Variants in COL4A4 observed in about 807,000 individuals in gnomAD.
COL4A4 encodes the protein collagen alpha-4(IV) chain.
A neutral mutation model predicts 192.9 loss-of-function variants in COL4A4; 105 were observed. The observed-to-expected ratio is 0.54, with a 90% CI of 0.46 to 0.64. The LOEUF (loss-of-function observed/expected upper bound fraction) is 0.64. Ranked by LOEUF, COL4A4 falls within the 30% of genes least tolerant of loss-of-function variation. The probability of loss-of-function intolerance (pLI) is 0.00; values close to 1 mark genes in which losing one functional copy is unlikely to be tolerated. For missense variants in COL4A4, 1,967 were observed against 2,169.3 expected (o/e 0.91, Z 1.85); for synonymous variants, 762 against 769.9 (o/e 0.99, Z 0.17).
At chr2:227,066,222 G>A (rs1402351647) in intron 25 of COL4A4, among the ~76,000 whole-genome samples, 4 of 152,196 alleles carry the variant, frequency 2.6e-5, no homozygotes, top group Non-Finnish European at 5.9e-5. Context: ...TATGTGAAAA[G>A]ACCAAATCTA....
At chr2:226,970,935 A>G in the COL4A4 span, among the ~76,000 whole-genome samples, 3 of 152,206 alleles carry the variant, frequency 2.0e-5, no homozygotes, top group Non-Finnish European at 4.4e-5. Flanking sequence ...TTTCAAGTGT[A>G]TTAAAACATA....
At chr2:227,156,116 C>T (rs368540205) in intron 1 of COL4A4, among the ~76,000 whole-genome samples, 1 of 151,896 alleles carries the variant, frequency 6.6e-6, no homozygotes, top group Non-Finnish European at 1.5e-5. Flanking sequence ...CATAAAAACC[C>T]GGCCGGGTGT....
At chr2:227,060,101 G>GAAAAA (rs71422223) in intron 27 of COL4A4, 35 bp downstream of exon 27, 47,475 of 487,716 alleles carry the variant, frequency 0.097, 5,132 homozygotes, top group Admixed American at 0.13. Context: ...TCCCAAAGCA[G>GAAAAA]AAAAAAAAAA....
intron 1 of COL4A4, among the ~76,000 whole-genome samples, chr2:227,150,187 A>T (rs2063832849): frequency 6.6e-6 from 1 of 152,188 alleles, no homozygotes; most frequent in South Asian, 2.1e-4. Flanking sequence ...ACTAACTTTG[A>T]CTATAAGTGA....
chr2:226,989,459 A>G, the COL4A4 span, among the ~76,000 whole-genome samples: 1 of 152,222 alleles, frequency 6.6e-6, no homozygotes, highest in Non-Finnish European at 1.5e-5. Flanking sequence ...AAATATCCTC[A>G]TATCTTGATC....
intron 3 of COL4A4, among the ~76,000 whole-genome samples, chr2:227,141,842 G>A (rs72971832): frequency 0.049 from 7,401 of 151,942 alleles, 251 homozygotes; most frequent in Middle Eastern, 0.082. Flanking sequence ...GGCCCAGGTC[G>A]GGACAGCATG....
At chr2:227,067,770 G>T (rs2058440038) in intron 25 of COL4A4, among the ~76,000 whole-genome samples, 1 of 151,980 alleles carries the variant, frequency 6.6e-6, no homozygotes, top group African/African-American at 2.4e-5. Flanking sequence ...AAGCAGGAAA[G>T]ATCTAAAATT....
chr2:226,974,173 G>C, the COL4A4 span, among the ~76,000 whole-genome samples: 2,491 of 152,330 alleles, frequency 0.016, 61 homozygotes, highest in African/African-American at 0.057. Context: ...AATGTGGGAA[G>C]GTTCCGCTGA....
chr2:227,035,082 T>C (rs1432297175), intron 37 of COL4A4, among the ~76,000 whole-genome samples: 1 of 152,072 alleles, frequency 6.6e-6, no homozygotes, highest in African/African-American at 2.4e-5. Flanking sequence ...TGATTGTTGA[T>C]GTCCACCCCA....
At chr2:227,038,153 C>G (rs1187085524) in intron 37 of COL4A4, among the ~76,000 whole-genome samples, 3 of 152,190 alleles carry the variant, frequency 2.0e-5, no homozygotes, top group African/African-American at 7.2e-5. Context: ...TGCCTATGTC[C>G]TGAATGGTAC....
chr2:227,103,255 C>T, intron 13 of COL4A4, 58 bp from the exon 14 acceptor site: 7 of 1,273,196 alleles, frequency 5.5e-6, no homozygotes, highest in East Asian at 2.3e-5. Context: ...TACTGAATTC[C>T]ATCTCCTTCA....
At position 227,162,788 on chromosome 2, in the gene COL4A4, T is replaced by A. The variant is rs2064950087; in HGVS notation, c.-102+1219A>T. Among the ~76,000 whole-genome samples the A allele has an allele frequency of 2.6e-5, 4 of 152,244 alleles. 1 individual carries two copies. In the South Asian group the frequency reaches 8.3e-4, roughly 32 times the overall value. ...AGAGTCTGATAAAATTGGCTTGGAA[T>A]GGTCTGGGTAGCAACATTGTTTTAT... On this transcript the variant is annotated intron_variant, in intron 1 of 47. Transcript: ENST00000396625.
chr2:227,010,883 C>A (rs1477860902), intron 45 of COL4A4, among the ~76,000 whole-genome samples: 3 of 152,194 alleles, frequency 2.0e-5, no homozygotes. Flanking sequence ...TAATGACACA[C>A]CCCAAGTGTG....
At chr2:227,146,167 C>G (rs1480890308) in intron 2 of COL4A4, among the ~76,000 whole-genome samples, 2 of 152,184 alleles carry the variant, frequency 1.3e-5, no homozygotes, top group African/African-American at 4.8e-5. Context: ...AGAGTGCAGA[C>G]AGAATGGCCC....
downstream of COL4A4, chr2:226,998,361 G>A (rs1202630915): frequency 6.6e-6 from 1 of 152,158 alleles, no homozygotes; most frequent in Non-Finnish European, 1.5e-5. Context: ...GCAAGCTAAA[G>A]GGATGAGAAA....
rs149898943 is a variant in COL4A4, at chr2:227,060,859, C to G, written c.2057-616G>C. On this transcript the variant is annotated intron_variant, in intron 26 of 47. Coordinates refer to ENST00000396625, the MANE Select transcript of COL4A4 (RefSeq NM_000092.5). ...TCTCCTGCCTCAGCCTCCCAAGTGG[C>G]TGGGATTGCAGGCGCCCGCCACCAC... is the stretch of plus-strand genomic sequence containing the variant. 2.8e-3 allele frequency among the ~76,000 whole-genome samples: 428 copies of G among 151,842 alleles called. 2 individuals carry two copies. Among genetic ancestry groups the G allele is most frequent in the African/African-American group, 9.7e-3 (403 of 41,400 alleles).
intron 10 of COL4A4, 152 bp from the exon 11 acceptor site, chr2:227,109,020 C>T (rs2150874981): frequency 3.2e-6 from 3 of 930,642 alleles, no homozygotes; most frequent in South Asian, 2.6e-5. Context: ...GGGCTGTTTT[C>T]TGTGAAGATG....
intron 13 of COL4A4, 61 bp from the exon 14 acceptor site, chr2:227,103,258 C>T: frequency 7.9e-7 from 1 of 1,268,342 alleles, no homozygotes; most frequent in South Asian, 1.3e-5. Flanking sequence ...TGAATTCCAT[C>T]TCCTTCAGAA....
At chr2:227,127,539 G>A (rs1297545681) in intron 4 of COL4A4, among the ~76,000 whole-genome samples, 1 of 152,108 alleles carries the variant, frequency 6.6e-6, no homozygotes, top group Non-Finnish European at 1.5e-5. Context: ...TCTTGAACAG[G>A]GCTAAGATAA....
Sources: allele counts gnomAD v4.1 joint callset (sites outside exome capture counted in the v4.1 genomes callset), GRCh38; gene constraint gnomAD v4.1.1; transcripts MANE v1.5; gene names NCBI Gene and HGNC (gene_info 2026-07-23, HGNC 2026-07-21).